RBFOX1: variants seen among roughly 807,000 people sequenced by gnomAD.
The protein encoded by RBFOX1 is RNA binding fox-1 homolog 1, also known as RNA binding protein fox-1 homolog 1.
RBFOX1 carries 8 observed loss-of-function variants against 57.7 expected under a neutral mutation model. The observed-to-expected ratio is 0.14, with a 90% CI of 0.08 to 0.25. The LOEUF (loss-of-function observed/expected upper bound fraction) is 0.25. RBFOX1 is among the 10% of genes least tolerant of loss of function. RBFOX1 has a pLI of 1.00. For missense variants in RBFOX1, 611 were observed against 548.5 expected, an observed-to-expected ratio of 1.11 and a Z score of -1.14; for synonymous variants, 326 against 222.4, an observed-to-expected ratio of 1.47 and a Z score of -4.15.
intron 2 of RBFOX1, among the ~76,000 whole-genome samples, chr16:6,523,566 C>G (rs974535312): frequency 3.9e-5 from 6 of 152,106 alleles, no homozygotes; most frequent in African/African-American, 1.4e-4. Context: ...CTTTTTTGAC[C>G]TTGCCTTTCA....
At chr16:5,533,672 C>G (rs2044577451) in intron 2 of RBFOX1, among the ~76,000 whole-genome samples, 1 of 152,152 alleles carries the variant, frequency 6.6e-6, no homozygotes, top group African/African-American at 2.4e-5. Flanking sequence ...CTCAAGGATC[C>G]TAATTCTGGG....
At position 5,840,820 on chromosome 16, in the gene RBFOX1, G is replaced by A. The variant is rs575284365; in HGVS notation, c.319-26483G>A. Among the ~76,000 whole-genome samples the A allele has an allele frequency of 2.1e-4, 32 of 152,240 alleles. 1 individual carries two copies. The South Asian group carries it at 6.6e-3, about 32-fold the overall frequency. ...GAAAACACACAGACAAAACCTAGGGGAACCACTCTCAGTGTTGCCGAGAGC... is the reference window on the plus strand; with the variant it reads ...GAAAACACACAGACAAAACCTAGGGAAACCACTCTCAGTGTTGCCGAGAGC... On this transcript the variant is annotated intron_variant, in intron 3 of 19. Transcript: ENST00000641259.
At chr16:6,865,928 C>G (rs984121715) in intron 3 of RBFOX1, among the ~76,000 whole-genome samples, 4 of 151,992 alleles carry the variant, frequency 2.6e-5, no homozygotes, top group African/African-American at 9.7e-5. Flanking sequence ...AAAAAGCCAC[C>G]TCATTTGGTT....
At chr16:6,423,725 C>T (rs1003759472) in intron 2 of RBFOX1, among the ~76,000 whole-genome samples, 4 of 152,100 alleles carry the variant, frequency 2.6e-5, no homozygotes, top group African/African-American at 4.8e-5. Flanking sequence ...CCCCAGAGGA[C>T]GTGGGGAGGT....
intron 3 of RBFOX1, among the ~76,000 whole-genome samples, chr16:5,751,959 A>G (rs1304799773): frequency 6.6e-6 from 1 of 152,236 alleles, no homozygotes; most frequent in Non-Finnish European, 1.5e-5. Flanking sequence ...GTTCTATTAT[A>G]AAGATACATG....
chr16:7,289,434 C>T (rs2095715666), intron 4 of RBFOX1, among the ~76,000 whole-genome samples: 1 of 152,176 alleles, frequency 6.6e-6, no homozygotes, highest in Non-Finnish European at 1.5e-5. Context: ...CCATCACCAT[C>T]ATCATTACCA....
chr16:7,387,729 G>C (rs962348092), intron 4 of RBFOX1, among the ~76,000 whole-genome samples: 3 of 152,180 alleles, frequency 2.0e-5, no homozygotes, highest in Non-Finnish European at 4.4e-5. Context: ...TACACATCCT[G>C]CGTCAACTCC....
chr16:7,529,650 T>C (rs2079526196), intron 5 of RBFOX1, among the ~76,000 whole-genome samples: 1 of 152,232 alleles, frequency 6.6e-6, no homozygotes, highest in African/African-American at 2.4e-5. Context: ...TTATTCATTT[T>C]TGTTATCTGT....
Position 6,977,552 on chromosome 16 carries a change from T to G in RBFOX1, c.-15-74505T>G, listed in dbSNP as rs542079047. ...GGAGTCACTGTAGTTCGAAGACCTCTGACAATTGGACACACGTCTGTGGTT... is the reference window on the plus strand; with the variant it reads ...GGAGTCACTGTAGTTCGAAGACCTCGGACAATTGGACACACGTCTGTGGTT... On this transcript the variant is annotated intron_variant, in intron 3 of 15. Transcript: ENST00000550418. Among the ~76,000 whole-genome samples the G allele has an allele frequency of 3.3e-5, 5 of 152,224 alleles. No individual in the cohort carries two copies. The East Asian group carries it at 9.7e-4, about 30-fold the overall frequency.
chr16:5,852,130 C>T (rs4786062), intron 3 of RBFOX1, among the ~76,000 whole-genome samples: 19,536 of 152,178 alleles, frequency 0.13, 1,752 homozygotes, highest in Non-Finnish European at 0.18. Context: ...AAAAGTTAAC[C>T]GGGTTTTTCC....
intron 4 of RBFOX1, among the ~76,000 whole-genome samples, chr16:7,075,737 C>T (rs890165246): frequency 4.6e-5 from 7 of 152,002 alleles, no homozygotes; most frequent in African/African-American, 1.2e-4. Flanking sequence ...CCTGCCACCA[C>T]GCTCGGCTAA....
At chr16:5,731,161 T>C (rs1405684888) in intron 3 of RBFOX1, among the ~76,000 whole-genome samples, 3 of 152,108 alleles carry the variant, frequency 2.0e-5, no homozygotes, top group Non-Finnish European at 4.4e-5. Context: ...ATTACCATCA[T>C]CTTCATCATC....
At chr16:5,314,344 C>G (rs918801748) in intron 1 of RBFOX1, among the ~76,000 whole-genome samples, 1 of 152,102 alleles carries the variant, frequency 6.6e-6, no homozygotes, top group Non-Finnish European at 1.5e-5. Flanking sequence ...GTGGTAGACC[C>G]GTGCCCCATG....
intron 4 of RBFOX1, among the ~76,000 whole-genome samples, chr16:7,228,071 T>C (rs1320913411): frequency 1.3e-5 from 2 of 152,108 alleles, no homozygotes; most frequent in Non-Finnish European, 2.9e-5. Context: ...CTGCCTGATA[T>C]CCTCTGTGGG....
At chr16:6,084,968 T>A (rs2096063435) in intron 1 of RBFOX1, among the ~76,000 whole-genome samples, 1 of 152,220 alleles carries the variant, frequency 6.6e-6, no homozygotes, top group Non-Finnish European at 1.5e-5. Context: ...TTGATAGTGA[T>A]CAGAGTTCAT....
At chr16:6,471,320 G>A (rs1382625289) in intron 2 of RBFOX1, among the ~76,000 whole-genome samples, 3 of 152,126 alleles carry the variant, frequency 2.0e-5, no homozygotes. Context: ...TAGAACAAGA[G>A]GCATCCTCTA....
rs183907338 is a variant in RBFOX1 at position 6,882,152 on chromosome 16, C to T, written c.-15-169905C>T. On this transcript the variant is annotated intron_variant, in intron 3 of 15. Coordinates refer to ENST00000550418, the MANE Select transcript of RBFOX1 (RefSeq NM_018723.4). ...TCAAGGCTGCTGATGGTCTTAGATG[C>T]CTCATTAATTCTGTCTCTAGCTTCT... Among the ~76,000 whole-genome samples, 6 of 152,180 alleles carry T rather than the reference C, an allele frequency of 3.9e-5. No individual in the cohort carries two copies. The East Asian group carries it at 9.7e-4, about 25-fold the overall frequency.
At chr16:6,428,357 C>A (rs1007987905) in intron 2 of RBFOX1, among the ~76,000 whole-genome samples, 2 of 149,628 alleles carry the variant, frequency 1.3e-5, no homozygotes, top group African/African-American at 4.9e-5. Context: ...TTACCATTTT[C>A]ATTATTATTA....
intron 3 of RBFOX1, among the ~76,000 whole-genome samples, chr16:6,928,480 G>A (rs1306275774): frequency 6.6e-6 from 1 of 152,156 alleles, no homozygotes; most frequent in Non-Finnish European, 1.5e-5. Context: ...GTTCAACTCA[G>A]AAATAAGACT....
Sources: allele counts gnomAD v4.1 joint callset (sites outside exome capture counted in the v4.1 genomes callset), GRCh38; gene constraint gnomAD v4.1.1; transcripts MANE v1.5; gene names NCBI Gene and HGNC (gene_info 2026-07-23, HGNC 2026-07-21).